The following GLIS1 variants were observed in gnomAD, a reference collection of about 807,000 sequenced individuals.
GLIS1 encodes the protein GLIS family zinc finger 1.
In GLIS1, 24 loss-of-function variants were observed where a neutral mutation model predicts 63.8. The observed-to-expected ratio is 0.38, with a 90% CI of 0.27 to 0.53. The LOEUF (loss-of-function observed/expected upper bound fraction) is 0.53, where lower values mean the gene tolerates loss of function less well. Among genes scored for constraint, GLIS1 ranks in the 20% least tolerant of loss-of-function variants. GLIS1 has a pLI of 0.85. For synonymous variants in GLIS1, 450 were observed against 482.5 expected, an observed-to-expected ratio of 0.93 and a Z score of 0.88; for missense variants, 1,036 against 1,074.1, an observed-to-expected ratio of 0.96 and a Z score of 0.50.
rs968696363 is a variant in GLIS1 at position 53,574,879 on chromosome 1, C to T, written c.1320+19229G>A. On this transcript the variant is annotated intron_variant, in intron 4 of 10. Transcript: ENST00000628545. This position sits in a 1 kb window ranked among gnomAD's most constrained non-coding sequence, Gnocchi z 4.2. ...TGGAGGGAGGATGTCTTCCCTCGCCCACAGTCAGGCTCCTTCACAGCAACT... is the reference window on the plus strand; with the variant it reads ...TGGAGGGAGGATGTCTTCCCTCGCCTACAGTCAGGCTCCTTCACAGCAACT... Among the ~76,000 whole-genome samples the T allele has an allele frequency of 1.3e-5, 2 of 152,160 alleles. No homozygotes were observed. The highest frequency in any genetic ancestry group is 6.5e-5 in the Admixed American group (1 of 15,286).
At chr1:53,577,258 C>A (rs969841735) in intron 4 of GLIS1, among the ~76,000 whole-genome samples, 2 of 152,194 alleles carry the variant, frequency 1.3e-5, no homozygotes, top group East Asian at 3.9e-4. Context: ...ATTCAGCATG[C>A]CCCAGATCAA....
Position 53,539,266 on chromosome 1 carries a change from A to G in GLIS1, c.1321-9314T>C, listed in dbSNP as rs530646859. 1.6e-4 allele frequency among the ~76,000 whole-genome samples: 19 copies of G among 122,208 alleles called. No individual in the cohort carries two copies. Among genetic ancestry groups the G allele is most frequent in the African/African-American group, 5.0e-4 (17 of 33,736 alleles). The allele number at this position is 122,208 out of a possible 152,430, so 80.2% of individuals were successfully genotyped here. ...GATTCACACACACACACACACCAAG[A>G]CCCAGAAACTCCCTCACACACACAC... On this transcript the variant is annotated intron_variant, in intron 4 of 10. Transcript: ENST00000628545. The surrounding 1 kb of genome is among the most constrained non-coding windows in gnomAD (Gnocchi z 5.0).
intron 6 of GLIS1, among the ~76,000 whole-genome samples, chr1:53,523,308 G>A (rs1193801573): frequency 3.3e-5 from 5 of 152,018 alleles, no homozygotes; most frequent in African/African-American, 1.2e-4. Flanking sequence ...CTGCAGGCTG[G>A]AGACCAACTT....
chr1:53,704,090 A>G (rs1049880904), intron 2 of GLIS1, among the ~76,000 whole-genome samples: 2 of 152,256 alleles, frequency 1.3e-5, no homozygotes, highest in African/African-American at 2.4e-5. Flanking sequence ...CTACTAAACA[A>G]ACAACCCTTC....
intron 2 of GLIS1, among the ~76,000 whole-genome samples, chr1:53,671,155 A>G (rs1381697233): frequency 6.6e-6 from 1 of 152,234 alleles, no homozygotes; most frequent in Non-Finnish European, 1.5e-5. Flanking sequence ...AATGCATCTC[A>G]TTTTCAGTTA....
chr1:53,567,514 G>A (rs1028308823), intron 4 of GLIS1, among the ~76,000 whole-genome samples: 3 of 152,224 alleles, frequency 2.0e-5, no homozygotes, highest in Non-Finnish European at 4.4e-5. Context: ...GCAGAAATTT[G>A]CATAAGAGGA....
chr1:53,642,858 T>A (rs1362623021), intron 2 of GLIS1, among the ~76,000 whole-genome samples: 1 of 152,226 alleles, frequency 6.6e-6, no homozygotes, highest in East Asian at 1.9e-4. Flanking sequence ...TTAGTTCACA[T>A]GTCTGTGTCC....
chr1:53,514,669 G>C lies in GLIS1; in HGVS notation c.1839C>G (p.His613Gln). ...CCATGGGCAGAGGGGACAGATGGTG[G>C]TGGGAACTGGTGGTGGCATCCAGCG... The part of the protein sequence containing the change: ...HHPLDATTSS[H>Q]HHLSPLPMAE... The change falls in exon 8 of 11, where the codon CAC (histidine) becomes CAG (glutamine). Residue 613 changes from histidine to glutamine, a missense_variant. This residue lies in a region of GLIS1 where 400 missense variants were observed against 400.9 expected (regional missense o/e 1.00). Coordinates refer to ENST00000628545, the MANE Select transcript of GLIS1 (RefSeq NM_001367484.1). The C allele has an allele frequency of 6.2e-7, 1 of 1,613,916 alleles. No homozygotes were observed. The highest frequency in any genetic ancestry group is 8.5e-7 in the Non-Finnish European group (1 of 1,179,964).
chr1:53,507,430 A>G (rs137858444), intron 10 of GLIS1, among the ~76,000 whole-genome samples: 79 of 152,184 alleles, frequency 5.2e-4, no homozygotes, highest in African/African-American at 1.8e-3. Context: ...CTTCCACCGG[A>G]CATGCTGTCT....
At chr1:53,726,349 C>T (rs190971872) in intron 2 of GLIS1, among the ~76,000 whole-genome samples, 15 of 152,242 alleles carry the variant, frequency 9.9e-5, no homozygotes, top group East Asian at 1.9e-4. Flanking sequence ...ACACCCACTG[C>T]GCAAGGAGTG....
chr1:53,620,514 A>G (rs1216034872), intron 2 of GLIS1, among the ~76,000 whole-genome samples: 1 of 152,232 alleles, frequency 6.6e-6, no homozygotes, highest in Non-Finnish European at 1.5e-5. Flanking sequence ...GCCATGAATG[A>G]GTACAGTGTT....
rs1645011898 is a variant in GLIS1, at chr1:53,574,377, G to C, written c.1320+19731C>G. 6.6e-6 allele frequency among the ~76,000 whole-genome samples: 1 copy of C among 152,170 alleles called. No homozygotes were observed. Among genetic ancestry groups the C allele is most frequent in the Admixed American group, 6.5e-5 (1 of 15,282 alleles). Reference sequence around the variant, plus strand: ...ATTCTGGGTACTCAATAAGATTATTGAATGAATGAACACTTCTCACCTTGG... The same window carrying C: ...ATTCTGGGTACTCAATAAGATTATTCAATGAATGAACACTTCTCACCTTGG... On this transcript the variant is annotated intron_variant, in intron 4 of 10. Coordinates refer to ENST00000628545, the MANE Select transcript of GLIS1 (RefSeq NM_001367484.1). This position sits in a 1 kb window ranked among gnomAD's most constrained non-coding sequence, Gnocchi z 4.2.
intron 2 of GLIS1, among the ~76,000 whole-genome samples, chr1:53,712,627 G>A (rs1646657784): frequency 6.6e-6 from 1 of 152,214 alleles, no homozygotes; most frequent in Non-Finnish European, 1.5e-5. Context: ...ACAGAGGAGA[G>A]GTCAGCAAGC....
intron 4 of GLIS1, among the ~76,000 whole-genome samples, chr1:53,542,830 C>G (rs1233200547): frequency 6.6e-6 from 1 of 152,212 alleles, no homozygotes; most frequent in Non-Finnish European, 1.5e-5. Flanking sequence ...CTGGGGCATC[C>G]AGGCAGGACT....
chr1:53,709,397 T>C (rs1327996222), intron 2 of GLIS1, among the ~76,000 whole-genome samples: 2 of 14,886 alleles, frequency 1.3e-4, no homozygotes, highest in African/African-American at 3.0e-4. Flanking sequence ...TATATATACA[T>C]ATACATATAT....
At chr1:53,631,195 C>G (rs192058519) in intron 2 of GLIS1, among the ~76,000 whole-genome samples, 1 of 152,152 alleles carries the variant, frequency 6.6e-6, no homozygotes. Context: ...TAAAGCTAGT[C>G]CTTTTCCAAC....
At chr1:53,552,670 G>A (rs923334471) in intron 4 of GLIS1, among the ~76,000 whole-genome samples, 6 of 151,692 alleles carry the variant, frequency 4.0e-5, no homozygotes, top group South Asian at 2.1e-4. Flanking sequence ...GAATCGGCTC[G>A]TGCCCACAGA....
intron 2 of GLIS1, among the ~76,000 whole-genome samples, chr1:53,610,539 T>G: frequency 6.6e-6 from 1 of 152,254 alleles, no homozygotes; most frequent in East Asian, 1.9e-4. Flanking sequence ...GAAAGTCATC[T>G]CTAAGTCTTT....
intron 2 of GLIS1, among the ~76,000 whole-genome samples, chr1:53,654,641 G>A (rs978847257): frequency 1.3e-5 from 2 of 152,152 alleles, no homozygotes; most frequent in African/African-American, 2.4e-5. Flanking sequence ...CTCGGAGAGC[G>A]CAGTGTCTGG....
Sources: gnomAD v4.1 joint callset for allele counts (sites outside exome capture counted in the v4.1 genomes callset) on GRCh38, gnomAD v4.1.1 for gene constraint, gnomAD v4.1.1 regional missense constraint, Gnocchi (gnomAD v3.1) non-coding constraint, MANE v1.5 for transcripts, NCBI Gene and HGNC (gene_info 2026-07-23, HGNC 2026-07-21) for gene names.